KCNH2: variants seen among roughly 807,000 people sequenced by gnomAD.
The protein encoded by KCNH2 is voltage-gated inwardly rectifying potassium channel KCNH2.
A neutral mutation model predicts 95.9 loss-of-function variants in KCNH2; 35 were observed. That is an observed-to-expected ratio of 0.37 (90% CI 0.28 to 0.48). The LOEUF (loss-of-function observed/expected upper bound fraction) is 0.48. Among genes scored for constraint, KCNH2 ranks in the 20% least tolerant of loss-of-function variants. KCNH2 has a pLI of 0.99. For missense variants in KCNH2, 1,274 were observed against 1,702.9 expected (o/e 0.75, Z 4.43); for synonymous variants, 786 against 754.7 (o/e 1.04, Z -0.68).
At chr7:150,971,355 C>G (rs562687905) in intron 2 of KCNH2, among the ~76,000 whole-genome samples, 1 of 152,258 alleles carries the variant, frequency 6.6e-6, no homozygotes, top group East Asian at 1.9e-4. Flanking sequence ...CAGCAGGTCC[C>G]CACCCCCTCC....
At chr7:150,967,251 C>T (rs1159067134) in intron 2 of KCNH2, among the ~76,000 whole-genome samples, 6 of 152,072 alleles carry the variant, frequency 3.9e-5, no homozygotes, top group African/African-American at 1.4e-4. Flanking sequence ...TGCACTCCAG[C>T]CTGGGCAACA....
chr7:150,972,453 G>A (rs1342117946), intron 2 of KCNH2, among the ~76,000 whole-genome samples: 4 of 152,252 alleles, frequency 2.6e-5, no homozygotes, highest in Non-Finnish European at 4.4e-5. Context: ...TTTCAAGGCA[G>A]AAGAAGCGGA....
At chr7:150,959,215 G>C (rs1307771980) in intron 3 of KCNH2, among the ~76,000 whole-genome samples, 1 of 152,202 alleles carries the variant, frequency 6.6e-6, no homozygotes, top group East Asian at 1.9e-4. Context: ...GGGAGGAGCT[G>C]CTCCCAGGTG....
intron 2 of KCNH2, among the ~76,000 whole-genome samples, chr7:150,974,126 C>A (rs3800779): frequency 0.26 from 39,923 of 152,012 alleles, 5,883 homozygotes; most frequent in Non-Finnish European, 0.34. Flanking sequence ...GCGGGGCGCT[C>A]GACAGCTGAG....
chr7:150,949,995 G>T (rs1801072248), intron 9 of KCNH2, 173 bp downstream of exon 9: 1 of 1,556,822 alleles, frequency 6.4e-7, no homozygotes, highest in Non-Finnish European at 8.7e-7. Flanking sequence ...CCCACGTGGG[G>T]CTCCTCTCCA....
intron 2 of KCNH2, among the ~76,000 whole-genome samples, chr7:150,971,487 C>G (rs527612025): frequency 6.6e-5 from 10 of 152,232 alleles, no homozygotes; most frequent in African/African-American, 2.4e-4. Flanking sequence ...CCGTCCCCAC[C>G]CACGCACAAG....
chr7:150,964,437 C>A (rs1801648619), intron 2 of KCNH2, among the ~76,000 whole-genome samples: 3 of 152,134 alleles, frequency 2.0e-5, no homozygotes, highest in South Asian at 4.2e-4. Context: ...GGTGGAGGAG[C>A]CCCAGGGAGC....
intron 5 of KCNH2, chr7:150,955,311 C>G: frequency 7.4e-7 from 1 of 1,356,194 alleles, no homozygotes; most frequent in Non-Finnish European, 1.0e-6. Context: ...GCCCTCTCCC[C>G]AGCCTGGAGT....
chr7:150,949,959 G>A, intron 9 of KCNH2: 1 of 1,542,738 alleles, frequency 6.5e-7, no homozygotes, highest in Non-Finnish European at 8.8e-7. Flanking sequence ...GGAGAATGTG[G>A]GAACCCCAGA....
chr7:150,957,809 A>G (rs1801428472), intron 4 of KCNH2, among the ~76,000 whole-genome samples: 1 of 152,224 alleles, frequency 6.6e-6, no homozygotes, highest in Admixed American at 6.5e-5. Context: ...TCCCTGCTCC[A>G]GGCCGTCCCG....
Position 150,962,975 on chromosome 7 carries a change from AT to A in KCNH2, c.308-3240del, listed in dbSNP as rs1801607716. On this transcript the variant is annotated intron_variant, in intron 2 of 14. Transcript: ENST00000262186. The surrounding 1 kb of genome is among the most constrained non-coding windows in gnomAD (Gnocchi z 5.7). ...ACTCCATCCCACCACTGGCTGGGTT[AT>A]GGGGGGATGGGAGTCCCTTCACTTG... Among the ~76,000 whole-genome samples the A allele has an allele frequency of 6.6e-6, 1 of 152,100 alleles. No homozygotes were observed. The highest frequency in any genetic ancestry group is 2.4e-5 in the African/African-American group (1 of 41,430).
intron 2 of KCNH2, among the ~76,000 whole-genome samples, chr7:150,971,168 G>A (rs1335569158): frequency 1.3e-5 from 2 of 152,158 alleles, no homozygotes; most frequent in Admixed American, 6.5e-5. Context: ...AGGGCAGGAG[G>A]CCCAGAGGAG....
intron 2 of KCNH2, among the ~76,000 whole-genome samples, chr7:150,967,193 C>T (rs1455559581): frequency 1.3e-5 from 2 of 152,094 alleles, no homozygotes; most frequent in African/African-American, 2.4e-5. Context: ...ACAGGAGAAT[C>T]GCTTGAACCC....
At chr7:150,955,329 C>A in intron 5 of KCNH2, 1 of 1,480,604 alleles carries the variant, frequency 6.8e-7, no homozygotes, top group Non-Finnish European at 9.2e-7. Flanking sequence ...AGTCAGAGCC[C>A]TTGGGCCAGC....
rs41307289 is a variant in KCNH2, at chr7:150,949,840, G to A, written c.2398+328C>T. 4.7e-3 allele frequency: 5,989 copies of A among 1,271,754 alleles called. 172 individuals carry two copies. The East Asian group carries it at 0.085, about 18-fold the overall frequency. The allele number at this position is 1,271,754 out of a possible 1,614,324, so 78.8% of individuals were successfully genotyped here. ...ATGGCCCTTAGTGAAACCAAATGCC[G>A]AGCTTCCAGGCTAGCATTTCTTCCT... On this transcript the variant is annotated intron_variant, in intron 9 of 14. Transcript: ENST00000262186.
chr7:150,959,358 G>A (rs546132359), intron 3 of KCNH2, among the ~76,000 whole-genome samples: 61 of 152,240 alleles, frequency 4.0e-4, no homozygotes, highest in African/African-American at 1.3e-3. Context: ...TGTGATTCTG[G>A]GCCCTGTCAT....
At chr7:150,973,972 AC>A (rs1029881293) in intron 2 of KCNH2, among the ~76,000 whole-genome samples, 2 of 152,162 alleles carry the variant, frequency 1.3e-5, no homozygotes, top group African/African-American at 4.8e-5. Flanking sequence ...GCCCGCCCTG[AC>A]CAGAGCCCAC....
rs532460879 is a variant in KCNH2 at position 150,964,427 on chromosome 7, G to A, written c.308-4691C>T. Among the ~76,000 whole-genome samples, 12 of 152,310 alleles carry A rather than the reference G, an allele frequency of 7.9e-5. No individual in the cohort carries two copies. In the South Asian group the frequency reaches 2.5e-3, roughly 32 times the overall value. ...GGAAGGAGAGGGAACAAGCCAGACA[G>A]GTGGAGGAGCCCCAGGGAGCCGAGC... On this transcript the variant is annotated intron_variant, in intron 2 of 14. Transcript: ENST00000262186.
At position 150,950,988 on chromosome 7, in the gene KCNH2, A is replaced by AGGGGATT; in HGVS notation, c.2071_2077dup (p.Leu693GlnfsTer32). 6.2e-7 allele frequency: 1 copy of AGGGGATT among 1,614,240 alleles called. No homozygotes were observed. Among genetic ancestry groups the AGGGGATT allele is most frequent in the Non-Finnish European group, 8.5e-7 (1 of 1,180,032 alleles). On this transcript the variant is annotated frameshift_variant, in exon 8 of 15. Transcript: ENST00000262186. LOFTEE classifies it high-confidence loss of function. ...GAAGTACTCCTCGAGGCGCTGGCGCAGGGGATTGGGGATCTGGTGGAAGCG... is the reference window on the plus strand; with the variant it reads ...GAAGTACTCCTCGAGGCGCTGGCGCAGGGGATTGGGGATTGGGGATCTGGTGGAAGCG...
Sources: gnomAD v4.1 joint callset for allele counts (sites outside exome capture counted in the v4.1 genomes callset) on GRCh38, gnomAD v4.1.1 for gene constraint, Gnocchi (gnomAD v3.1) non-coding constraint, MANE v1.5 for transcripts, NCBI Gene and HGNC (gene_info 2026-07-23, HGNC 2026-07-21) for gene names.